RGPD2: variants seen among roughly 807,000 people sequenced by gnomAD.
RGPD2 encodes the protein RANBP2-like and GRIP domain-containing protein 2.
Under a neutral mutation model 36.0 loss-of-function variants are expected in RGPD2, and 2 were observed. The observed-to-expected ratio is 0.06, with a 90% CI of 0.02 to 0.17. RGPD2 has a LOEUF of 0.17. RGPD2 is among the 10% of genes least tolerant of loss of function. The probability of loss-of-function intolerance (pLI) is 1.00; values close to 1 mark genes in which losing one functional copy is unlikely to be tolerated. For synonymous variants in RGPD2, 19 were observed against 163.8 expected, an observed-to-expected ratio of 0.12 and a Z score of 6.75; for missense variants, 40 against 464.3, an observed-to-expected ratio of 0.09 and a Z score of 8.40.
At chr2:87,832,941 T>TATAA in the RGPD2 span, among the ~76,000 whole-genome samples, 4,592 of 142,752 alleles carry the variant, frequency 0.032, 265 homozygotes, top group African/African-American at 0.12. Context: ...AGTCTCTGTC[T>TATAA]ATAAATAAAT....
At chr2:87,825,014 C>A (rs1301969573) in intron 1 of RGPD2, 3 of 393,100 alleles carry the variant, frequency 7.6e-6, no homozygotes, top group South Asian at 1.3e-4. Context: ...CCTCATCACT[C>A]AGCTAAAAAT....
the RGPD2 span, among the ~76,000 whole-genome samples, chr2:87,948,456 A>T: frequency 6.6e-6 from 1 of 150,512 alleles, no homozygotes; most frequent in Non-Finnish European, 1.5e-5. Context: ...ATCTCGGCTC[A>T]CCGCAAACTC....
the RGPD2 span, among the ~76,000 whole-genome samples, chr2:87,986,180 G>C: frequency 1.5e-5 from 2 of 136,420 alleles, no homozygotes; most frequent in African/African-American, 5.4e-5. Flanking sequence ...CTGTTGCCCA[G>C]GCTGGAGTGC....
At chr2:87,798,749 TCC>T (rs1180971746) in intron 8 of RGPD2, among the ~76,000 whole-genome samples, 1 of 130,344 alleles carries the variant, frequency 7.7e-6, no homozygotes, top group Non-Finnish European at 1.7e-5. Flanking sequence ...GCGCCTGTAG[TCC>T]CAGCTACTGG....
the RGPD2 span, among the ~76,000 whole-genome samples, chr2:87,919,617 T>C: frequency 0.021 from 3,030 of 147,064 alleles, 91 homozygotes; most frequent in African/African-American, 0.074. Context: ...AATTTAAAAA[T>C]AGTTTTCTAG....
chr2:87,988,541 ATT>A, the RGPD2 span, among the ~76,000 whole-genome samples: 15 of 54,148 alleles, frequency 2.8e-4, 1 homozygote, highest in East Asian at 3.0e-3. Flanking sequence ...ATATATATAT[ATT>A]TTTTTTTTTT....
intron 4 of RGPD2, among the ~76,000 whole-genome samples, chr2:87,812,830 A>AT (rs952068019): frequency 6.8e-6 from 1 of 147,072 alleles, no homozygotes; most frequent in Admixed American, 6.8e-5. Flanking sequence ...TGCCCGGCTA[A>AT]TTTTTTTTTA....
In RGPD2 at chr2:87,782,996, T is replaced by TC; in HGVS notation, c.4027dup (p.Glu1343GlyfsTer4). 6.2e-7 allele frequency: 1 copy of TC among 1,609,258 alleles called. No individual in the cohort carries two copies. On this transcript the variant is annotated frameshift_variant, in exon 20 of 23. Coordinates refer to ENST00000398146, the MANE Select transcript of RGPD2 (RefSeq NM_001078170.3). LOFTEE classifies it high-confidence loss of function. ...ACTAAAAACAACTTGTTCATTTTCC[T>TC]CACCACTGGATACTTCAACTAGATC...
chr2:87,760,885 G>A (rs1286822349), intron 22 of RGPD2, among the ~76,000 whole-genome samples: 2 of 149,402 alleles, frequency 1.3e-5, no homozygotes, highest in Non-Finnish European at 3.0e-5. Context: ...CCAAATTGCT[G>A]GCATTATAGG....
At chr2:87,986,639 C>T in the RGPD2 span, among the ~76,000 whole-genome samples, 8 of 151,714 alleles carry the variant, frequency 5.3e-5, 1 homozygote, top group South Asian at 4.2e-4. Flanking sequence ...AAGCACTTTG[C>T]GAGGTCAAGG....
the RGPD2 span, among the ~76,000 whole-genome samples, chr2:87,859,281 T>C: frequency 1.1e-5 from 1 of 87,662 alleles, no homozygotes; most frequent in East Asian, 3.1e-4. Context: ...TAGAAAATAT[T>C]TGGATGGAAA....
At chr2:87,927,739 G>A in the RGPD2 span, among the ~76,000 whole-genome samples, 2 of 151,206 alleles carry the variant, frequency 1.3e-5, no homozygotes, top group East Asian at 1.9e-4. Flanking sequence ...CCTACTTATA[G>A]TTTAAAAGGG....
the RGPD2 span, among the ~76,000 whole-genome samples, chr2:87,945,094 AT>A: frequency 2.2e-3 from 341 of 152,150 alleles, no homozygotes; most frequent in African/African-American, 8.0e-3. Context: ...ACACAAAAAA[AT>A]GAAAAAGATA....
the RGPD2 span, among the ~76,000 whole-genome samples, chr2:87,881,174 A>G: frequency 2.3e-3 from 342 of 151,752 alleles, no homozygotes; most frequent in African/African-American, 7.6e-3. Context: ...GTGGCTTTCC[A>G]GGTTTCAGTC....
the RGPD2 span, among the ~76,000 whole-genome samples, chr2:87,831,277 A>G: frequency 6.6e-6 from 1 of 152,130 alleles, no homozygotes; most frequent in Non-Finnish European, 1.5e-5. Flanking sequence ...GCACAGGGCA[A>G]TAATGATTTT....
chr2:87,917,264 G>A, the RGPD2 span, among the ~76,000 whole-genome samples: 3 of 140,676 alleles, frequency 2.1e-5, no homozygotes, highest in African/African-American at 8.0e-5. Context: ...GTCTTCTACT[G>A]AATGAAAGTG....
the RGPD2 span, among the ~76,000 whole-genome samples, chr2:87,920,297 G>A: frequency 6.6e-6 from 1 of 151,750 alleles, no homozygotes; most frequent in Non-Finnish European, 1.5e-5. Context: ...CAACTTCAAA[G>A]CTTTCTTCTT....
At chr2:87,853,326 G>C in the RGPD2 span, among the ~76,000 whole-genome samples, 1 of 152,120 alleles carries the variant, frequency 6.6e-6, no homozygotes, top group African/African-American at 2.4e-5. Context: ...ACGCTCAACT[G>C]TTCCTCCTGC....
the RGPD2 span, among the ~76,000 whole-genome samples, chr2:87,884,072 A>T: frequency 6.6e-6 from 1 of 152,148 alleles, no homozygotes; most frequent in Non-Finnish European, 1.5e-5. Flanking sequence ...AACACATTGA[A>T]ATAAAAAGAA....
Sources: allele counts gnomAD v4.1 joint callset (sites outside exome capture counted in the v4.1 genomes callset), GRCh38; gene constraint gnomAD v4.1.1; transcripts MANE v1.5; gene names NCBI Gene and HGNC (gene_info 2026-07-23, HGNC 2026-07-21).